The following ELAVL2 variants were observed in gnomAD, a reference collection of about 807,000 sequenced individuals.
ELAVL2 encodes ELAV like RNA binding protein 2.
In ELAVL2, 4 loss-of-function variants were observed where a neutral mutation model predicts 34.6. The ratio of observed to expected loss-of-function variants is 0.12; its 90% CI spans 0.06 to 0.26. The LOEUF (loss-of-function observed/expected upper bound fraction) is 0.26. ELAVL2 is among the 10% of genes least tolerant of loss of function. ELAVL2 has a pLI of 1.00. For missense variants in ELAVL2, 432 were observed against 442.8 expected (o/e 0.98, Z 0.22); for synonymous variants, 193 against 154.8 (o/e 1.25, Z -1.83).
At chr9:23,795,375 C>T (rs1012258041) in intron 1 of ELAVL2, among the ~76,000 whole-genome samples, 1 of 151,960 alleles carries the variant, frequency 6.6e-6, no homozygotes, top group East Asian at 1.9e-4. Flanking sequence ...AAAATCCCAT[C>T]TCTACTAAAA....
the ELAVL2 span, among the ~76,000 whole-genome samples, chr9:23,833,134 T>G: frequency 6.6e-6 from 1 of 151,924 alleles, no homozygotes; most frequent in Non-Finnish European, 1.5e-5. Flanking sequence ...AGAGAGAAAT[T>G]TATGGTTATG....
chr9:23,773,199 T>C (rs1243326170), intron 1 of ELAVL2, among the ~76,000 whole-genome samples: 1 of 152,208 alleles, frequency 6.6e-6, no homozygotes, highest in African/African-American at 2.4e-5. Context: ...TACATAAGAA[T>C]GTATATAAGA....
At chr9:23,717,521 T>G (rs1325432233) in intron 3 of ELAVL2, among the ~76,000 whole-genome samples, 1 of 152,236 alleles carries the variant, frequency 6.6e-6, no homozygotes, top group African/African-American at 2.4e-5. Context: ...AGATGTAAGC[T>G]TCTCCTAAAA....
intron 5 of ELAVL2, among the ~76,000 whole-genome samples, chr9:23,699,648 A>G (rs930593723): frequency 6.6e-6 from 1 of 151,986 alleles, no homozygotes; most frequent in African/African-American, 2.4e-5. Flanking sequence ...ATATTTATAC[A>G]TATATTATTC....
chr9:23,830,626 C>T (rs1341313386), upstream of ELAVL2, among the ~76,000 whole-genome samples: 3 of 72,550 alleles, frequency 4.1e-5, no homozygotes, highest in South Asian at 3.9e-4. Flanking sequence ...ACACACACAC[C>T]TTTTTTTTTT....
At chr9:23,761,137 T>G (rs2054891262) in intron 2 of ELAVL2, among the ~76,000 whole-genome samples, 1 of 152,084 alleles carries the variant, frequency 6.6e-6, no homozygotes, top group South Asian at 2.1e-4. Flanking sequence ...AATATTCCAT[T>G]TTATATTTTT....
chr9:23,786,802 AAG>A (rs1554747168), intron 1 of ELAVL2, among the ~76,000 whole-genome samples: 15 of 127,336 alleles, frequency 1.2e-4, no homozygotes, highest in Non-Finnish European at 1.6e-4. Flanking sequence ...AAAAAAAAAA[AAG>A]AGAGAGAGAG....
At chr9:23,826,586 G>A (rs1254159047), upstream of ELAVL2, among the ~76,000 whole-genome samples, 4 of 152,230 alleles carry the variant, frequency 2.6e-5, no homozygotes, top group Admixed American at 6.5e-5. Context: ...AAAAAGAAAT[G>A]TGGAGAGAGC....
chr9:23,704,726 C>T (rs1378305272), intron 4 of ELAVL2, among the ~76,000 whole-genome samples, 192 bp downstream of exon 4: 1 of 152,152 alleles, frequency 6.6e-6, no homozygotes, highest in African/African-American at 2.4e-5. Flanking sequence ...GACTCAAGCA[C>T]GCTCACTATA....
intron 3 of ELAVL2, among the ~76,000 whole-genome samples, chr9:23,720,557 T>C (rs1214101189): frequency 6.6e-6 from 1 of 152,152 alleles, no homozygotes. Context: ...GCTAGCATAA[T>C]TGTAATGTTG....
intron 2 of ELAVL2, among the ~76,000 whole-genome samples, chr9:23,755,284 T>C (rs1350391463): frequency 6.6e-6 from 1 of 152,174 alleles, no homozygotes; most frequent in South Asian, 2.1e-4. Flanking sequence ...TGTTACAAAT[T>C]TCTAGTTTCA....
chr9:23,753,505 G>C (rs1194828232), intron 2 of ELAVL2, among the ~76,000 whole-genome samples: 1 of 151,990 alleles, frequency 6.6e-6, no homozygotes, highest in East Asian at 1.9e-4. Context: ...TCAAAAACAG[G>C]TTGATTTTGT....
intron 3 of ELAVL2, among the ~76,000 whole-genome samples, chr9:23,712,894 AAAAT>A (rs1441236851): frequency 3.9e-5 from 6 of 152,228 alleles, no homozygotes; most frequent in Non-Finnish European, 7.4e-5. Context: ...TAGCCACAGA[AAAAT>A]AAAAAGTGTT....
At chr9:23,784,462 T>C (rs2136957161) in intron 1 of ELAVL2, among the ~76,000 whole-genome samples, 1 of 152,308 alleles carries the variant, frequency 6.6e-6, no homozygotes, top group South Asian at 2.1e-4. Flanking sequence ...ACTTGGTCTT[T>C]GGAAGGTAAA....
chr9:23,757,608 C>A (rs1222367470), intron 2 of ELAVL2, among the ~76,000 whole-genome samples: 5 of 151,558 alleles, frequency 3.3e-5, no homozygotes, highest in Non-Finnish European at 5.9e-5. Context: ...CAAGGACTCC[C>A]AAGTGCATTT....
At chr9:23,755,592 C>A (rs772550160) in intron 2 of ELAVL2, among the ~76,000 whole-genome samples, 2 of 152,146 alleles carry the variant, frequency 1.3e-5, no homozygotes, top group Non-Finnish European at 2.9e-5. Context: ...AATAGAGGTT[C>A]CACAAACTTG....
At chr9:23,828,407 T>A (rs1425696834), upstream of ELAVL2, among the ~76,000 whole-genome samples, 4 of 151,332 alleles carry the variant, frequency 2.6e-5, no homozygotes, top group South Asian at 2.1e-4. Context: ...AAACTAATAC[T>A]TTTTTTGGTG....
intron 3 of ELAVL2, among the ~76,000 whole-genome samples, chr9:23,707,308 G>C (rs551429720): frequency 5.2e-4 from 79 of 152,266 alleles, no homozygotes; most frequent in African/African-American, 1.8e-3. Context: ...TTCTTTTCTC[G>C]TGTAAGATTC....
At chr9:23,722,393 C>T in intron 3 of ELAVL2, among the ~76,000 whole-genome samples, 1 of 152,222 alleles carries the variant, frequency 6.6e-6, no homozygotes, top group Non-Finnish European at 1.5e-5. Flanking sequence ...TGTTAACTCA[C>T]TTATCTGCTA....
Sources: allele counts gnomAD v4.1 joint callset (sites outside exome capture counted in the v4.1 genomes callset), GRCh38; gene constraint gnomAD v4.1.1; transcripts MANE v1.5; gene names NCBI Gene and HGNC (gene_info 2026-07-23, HGNC 2026-07-21).